Variants in PARP8 observed in about 807,000 individuals in gnomAD.
The protein encoded by PARP8 is protein mono-ADP-ribosyltransferase PARP8.
In PARP8, 51 loss-of-function variants were observed where a neutral mutation model predicts 124.1. The observed-to-expected ratio is 0.41, with a 90% CI of 0.33 to 0.52. The LOEUF is 0.52. PARP8 is among the 20% of genes least tolerant of loss of function. PARP8 has a pLI of 0.21. For missense variants in PARP8, 860 were observed against 1,018.9 expected, an observed-to-expected ratio of 0.84 and a Z score of 2.12; for synonymous variants, 391 against 361.5, an observed-to-expected ratio of 1.08 and a Z score of -0.93.
chr5:50,770,404 TTTTA>T (rs1409022264), intron 7 of PARP8, among the ~76,000 whole-genome samples: 3 of 152,152 alleles, frequency 2.0e-5, no homozygotes, highest in African/African-American at 7.2e-5. Context: ...TGCCTCACGA[TTTTA>T]TTTATTAAAT....
chr5:50,810,394 T>TA (rs1312648728), intron 14 of PARP8, among the ~76,000 whole-genome samples: 1 of 152,072 alleles, frequency 6.6e-6, no homozygotes, highest in Non-Finnish European at 1.5e-5. Context: ...AACATGGCAA[T>TA]ACACTTAACT....
chr5:50,818,845 A>G (rs1745421225), intron 15 of PARP8, among the ~76,000 whole-genome samples: 1 of 152,248 alleles, frequency 6.6e-6, no homozygotes, highest in Non-Finnish European at 1.5e-5. Context: ...TTAACATGGT[A>G]GCATTTTGTC....
chr5:50,835,858 G>A (rs1747523139), intron 25 of PARP8, among the ~76,000 whole-genome samples: 1 of 152,144 alleles, frequency 6.6e-6, no homozygotes, highest in Non-Finnish European at 1.5e-5. Context: ...CAGTAGACCA[G>A]TCTAATTTTC....
chr5:50,792,089 A>G (rs1385623963), intron 10 of PARP8, among the ~76,000 whole-genome samples: 2 of 152,258 alleles, frequency 1.3e-5, no homozygotes, highest in South Asian at 4.1e-4. Flanking sequence ...CCGTGATATC[A>G]TCTGCTCTTG....
At chr5:50,839,620 T>C (rs1405445728) in intron 25 of PARP8, among the ~76,000 whole-genome samples, 1 of 151,708 alleles carries the variant, frequency 6.6e-6, no homozygotes, top group Non-Finnish European at 1.5e-5. Flanking sequence ...AGTAGAAAAA[T>C]ATGCATTTTA....
rs569087435 is a variant in PARP8, at chr5:50,799,033, T to A, written c.1575+1800T>A. Among the ~76,000 whole-genome samples, 173 of 152,366 alleles carry A rather than the reference T, an allele frequency of 1.1e-3. 1 individual carries two copies. The highest frequency in any genetic ancestry group is 4.0e-3 in the African/African-American group (168 of 41,592). ...CTATTTTGTAGTTTGTCATTTCATTTTTTAAAGGTAATCTTTGACACACAC... is the reference window on the plus strand; with the variant it reads ...CTATTTTGTAGTTTGTCATTTCATTATTTAAAGGTAATCTTTGACACACAC... On this transcript the variant is annotated intron_variant, in intron 14 of 25. Coordinates refer to ENST00000281631, the MANE Select transcript of PARP8 (RefSeq NM_024615.4).
At chr5:50,783,410 T>C (rs1740891264) in intron 9 of PARP8, among the ~76,000 whole-genome samples, 2 of 152,186 alleles carry the variant, frequency 1.3e-5, no homozygotes, top group Admixed American at 6.5e-5. Flanking sequence ...CCTATGTGTA[T>C]ATCCTTGTCA....
intron 2 of PARP8, among the ~76,000 whole-genome samples, chr5:50,748,068 T>C (rs554079689): frequency 6.6e-6 from 1 of 152,308 alleles, no homozygotes; most frequent in East Asian, 1.9e-4. Flanking sequence ...AGGCTCTATT[T>C]ACTTTTTGTT....
At chr5:50,703,286 T>A (rs1403519600) in intron 2 of PARP8, among the ~76,000 whole-genome samples, 1 of 142,324 alleles carries the variant, frequency 7.0e-6, no homozygotes, top group South Asian at 2.3e-4. Flanking sequence ...GGTGACGGAG[T>A]GAGACCGTGT....
chr5:50,688,208 GT>G (rs1430860882), intron 2 of PARP8, among the ~76,000 whole-genome samples: 1 of 152,166 alleles, frequency 6.6e-6, no homozygotes, highest in East Asian at 1.9e-4. Flanking sequence ...ACCAGAGAGA[GT>G]TTTTCTATTT....
chr5:50,779,230 C>T (rs1360822983), intron 9 of PARP8, among the ~76,000 whole-genome samples: 1 of 151,896 alleles, frequency 6.6e-6, no homozygotes, highest in South Asian at 2.1e-4. Flanking sequence ...CACGCATGCA[C>T]ACACACACAA....
chr5:50,756,966 T>C (rs282551), intron 3 of PARP8, among the ~76,000 whole-genome samples: 130,283 of 152,208 alleles, frequency 0.86, 55,981 homozygotes, highest in East Asian at 0.96. Context: ...GCATAACGTC[T>C]TCCATGTTCA....
chr5:50,719,022 G>A (rs1195984014), intron 2 of PARP8, among the ~76,000 whole-genome samples: 3 of 151,956 alleles, frequency 2.0e-5, no homozygotes, highest in Admixed American at 6.6e-5. Context: ...GGGTGAGATG[G>A]TAACTCATTG....
intron 2 of PARP8, among the ~76,000 whole-genome samples, chr5:50,702,886 C>A (rs1753741349): frequency 6.6e-6 from 1 of 152,138 alleles, no homozygotes; most frequent in Admixed American, 6.5e-5. Context: ...TTCCTCTGTG[C>A]TGGGCACATG....
intron 2 of PARP8, among the ~76,000 whole-genome samples, chr5:50,724,364 T>C (rs1469399097): frequency 1.3e-5 from 2 of 152,116 alleles, no homozygotes; most frequent in African/African-American, 4.8e-5. Context: ...GCTAATCAAA[T>C]GTGTTGCTTT....
At chr5:50,810,974 G>T (rs757606106) in intron 14 of PARP8, among the ~76,000 whole-genome samples, 1 of 151,994 alleles carries the variant, frequency 6.6e-6, no homozygotes, top group Non-Finnish European at 1.5e-5. Context: ...TTTACTTCTC[G>T]TTTTTTAGTA....
intron 2 of PARP8, among the ~76,000 whole-genome samples, chr5:50,696,279 C>G (rs1488758506): frequency 6.6e-6 from 1 of 152,136 alleles, no homozygotes; most frequent in African/African-American, 2.4e-5. Flanking sequence ...TTTATTTAAT[C>G]TTTACCTAGG....
At chr5:50,830,124 T>A (rs1481732683) in intron 22 of PARP8, among the ~76,000 whole-genome samples, 163 bp downstream of exon 22, 1 of 152,174 alleles carries the variant, frequency 6.6e-6, no homozygotes, top group African/African-American at 2.4e-5. Context: ...TCAAGATGAA[T>A]TTATAATACT....
chr5:50,742,278 T>C (rs529210046), intron 2 of PARP8, among the ~76,000 whole-genome samples: 2 of 152,362 alleles, frequency 1.3e-5, no homozygotes, highest in Admixed American at 6.5e-5. Context: ...ACCATTAATA[T>C]CTTTGTGGCT....
Sources: allele counts gnomAD v4.1 joint callset (sites outside exome capture counted in the v4.1 genomes callset), GRCh38; gene constraint gnomAD v4.1.1; transcripts MANE v1.5; gene names NCBI Gene and HGNC (gene_info 2026-07-23, HGNC 2026-07-21).